Variants in MAPKAP1 observed in about 807,000 individuals in gnomAD.
MAPKAP1 encodes target of rapamycin complex 2 subunit MAPKAP1.
MAPKAP1 carries 20 observed loss-of-function variants against 65.7 expected under a neutral mutation model. That is an observed-to-expected ratio of 0.30 (90% confidence interval 0.21 to 0.44). The LOEUF (loss-of-function observed/expected upper bound fraction) is 0.44. Ranked by LOEUF, MAPKAP1 falls within the 20% of genes least tolerant of loss-of-function variation. The pLI is 1.00. For missense variants in MAPKAP1, 423 were observed against 648.0 expected, an observed-to-expected ratio of 0.65 and a Z score of 3.77; for synonymous variants, 222 against 244.3, an observed-to-expected ratio of 0.91 and a Z score of 0.85.
intron 3 of MAPKAP1, among the ~76,000 whole-genome samples, chr9:125,663,174 A>G (rs769153883): frequency 6.6e-6 from 1 of 152,224 alleles, no homozygotes; most frequent in Non-Finnish European, 1.5e-5. Flanking sequence ...CAGACCCTCC[A>G]TAACTAGGAA....
At chr9:125,591,727 C>T (rs1451429425) in intron 4 of MAPKAP1, among the ~76,000 whole-genome samples, 1 of 152,010 alleles carries the variant, frequency 6.6e-6, no homozygotes, top group Admixed American at 6.6e-5. Flanking sequence ...TCCTAATAGT[C>T]CCTAAGTTGC....
intron 4 of MAPKAP1, among the ~76,000 whole-genome samples, chr9:125,589,466 A>G (rs1183587291): frequency 1.3e-5 from 2 of 151,764 alleles, no homozygotes; most frequent in East Asian, 3.9e-4. Flanking sequence ...TTTATGAATG[A>G]CTCCAGTGCC....
chr9:125,613,209 G>C (rs979946873), intron 4 of MAPKAP1, among the ~76,000 whole-genome samples: 2 of 152,174 alleles, frequency 1.3e-5, no homozygotes, highest in African/African-American at 2.4e-5. Flanking sequence ...AGACCTGAAG[G>C]TGTGCTCCCA....
intron 6 of MAPKAP1, among the ~76,000 whole-genome samples, chr9:125,557,400 T>C (rs1830767011): frequency 6.6e-6 from 1 of 152,216 alleles, no homozygotes; most frequent in African/African-American, 2.4e-5. Flanking sequence ...TGCCACTGTG[T>C]ATATCTTTTA....
At chr9:125,688,221 C>CT (rs1208223845) in intron 1 of MAPKAP1, among the ~76,000 whole-genome samples, 1 of 152,098 alleles carries the variant, frequency 6.6e-6, no homozygotes, top group African/African-American at 2.4e-5. Flanking sequence ...TCACTGCAAC[C>CT]TCCACCTCCC....
intron 1 of MAPKAP1, among the ~76,000 whole-genome samples, chr9:125,693,793 A>G (rs1305652456): frequency 6.6e-6 from 1 of 150,472 alleles, no homozygotes; most frequent in East Asian, 1.9e-4. Context: ...GTATATATAT[A>G]CACACATATA....
chr9:125,510,041 G>T (rs1392174573), intron 7 of MAPKAP1, among the ~76,000 whole-genome samples: 1 of 152,160 alleles, frequency 6.6e-6, no homozygotes, highest in East Asian at 1.9e-4. Flanking sequence ...TTTAATACAT[G>T]CTTATTATGT....
chr9:125,684,630 C>T (rs1054255546), intron 1 of MAPKAP1, among the ~76,000 whole-genome samples: 2 of 152,146 alleles, frequency 1.3e-5, no homozygotes, highest in South Asian at 2.1e-4. Flanking sequence ...CCCTAAGGAG[C>T]GCCAAAGCCC....
intron 7 of MAPKAP1, among the ~76,000 whole-genome samples, chr9:125,530,612 T>C (rs1007436515): frequency 1.3e-5 from 2 of 152,250 alleles, no homozygotes; most frequent in African/African-American, 4.8e-5. Flanking sequence ...CCTATAGATA[T>C]ATGGTATGGT....
chr9:125,563,184 A>T (rs1254710267), intron 5 of MAPKAP1, among the ~76,000 whole-genome samples: 1 of 152,186 alleles, frequency 6.6e-6, no homozygotes, highest in Non-Finnish European at 1.5e-5. Context: ...TTAAACAAAT[A>T]AAAAACTGGT....
intron 4 of MAPKAP1, among the ~76,000 whole-genome samples, chr9:125,652,450 T>TA (rs779188962): frequency 2.0e-5 from 3 of 152,170 alleles, no homozygotes; most frequent in Admixed American, 6.6e-5. Context: ...TATCAACACT[T>TA]ATGAAAATTA....
At chr9:125,536,085 G>A (rs1307890924) in intron 7 of MAPKAP1, among the ~76,000 whole-genome samples, 1 of 152,212 alleles carries the variant, frequency 6.6e-6, no homozygotes, top group Non-Finnish European at 1.5e-5. Flanking sequence ...GGTGGCAGTT[G>A]CGAGAGCTCA....
rs373131533 is a variant in MAPKAP1 at position 125,658,351 on chromosome 9, CATTT to C, written c.350-556_350-553del. Among the ~76,000 whole-genome samples the C allele has an allele frequency of 3.7e-4, 56 of 152,328 alleles. No individual in the cohort carries two copies. In the East Asian group the frequency reaches 0.01, roughly 28 times the overall value. ...GGATATTTATAATAACAGTAGCTAA[CATTT>C]ATTGCTGCTCGGCCTTTTGGCTAAG... On this transcript the variant is annotated intron_variant, in intron 3 of 11. Transcript: ENST00000265960.
At chr9:125,528,948 T>C (rs1829855345) in intron 7 of MAPKAP1, among the ~76,000 whole-genome samples, 1 of 149,374 alleles carries the variant, frequency 6.7e-6, no homozygotes, top group Admixed American at 6.6e-5. Flanking sequence ...GTGGATCACT[T>C]GTGGTCAGGA....
intron 4 of MAPKAP1, among the ~76,000 whole-genome samples, chr9:125,589,631 G>A (rs1831894798): frequency 6.6e-6 from 1 of 152,122 alleles, no homozygotes; most frequent in Admixed American, 6.5e-5. Context: ...TCATTCTGAG[G>A]TGAAAAAGGT....
At chr9:125,597,390 G>A (rs1832169147) in intron 4 of MAPKAP1, among the ~76,000 whole-genome samples, 1 of 150,642 alleles carries the variant, frequency 6.6e-6, no homozygotes, top group Non-Finnish European at 1.5e-5. Flanking sequence ...AGTGAGCTAT[G>A]ATTGAGCCCC....
chr9:125,558,778 G>A (rs1830810381), intron 6 of MAPKAP1, among the ~76,000 whole-genome samples: 1 of 152,156 alleles, frequency 6.6e-6, no homozygotes, highest in Non-Finnish European at 1.5e-5. Context: ...AAACTCAGGA[G>A]CTCATAAACT....
At chr9:125,542,974 C>T in intron 7 of MAPKAP1, 85 bp downstream of exon 7, 2 of 913,818 alleles carry the variant, frequency 2.2e-6, no homozygotes, top group Non-Finnish European at 3.7e-6. Context: ...AGAATCTAGC[C>T]AGCCATCACA....
At chr9:125,548,226 C>A (rs1175608387) in intron 6 of MAPKAP1, among the ~76,000 whole-genome samples, 1 of 152,108 alleles carries the variant, frequency 6.6e-6, no homozygotes, top group Non-Finnish European at 1.5e-5. Flanking sequence ...GGTCCCTAAC[C>A]CAAGCTGCAC....
Sources: allele counts gnomAD v4.1 joint callset (sites outside exome capture counted in the v4.1 genomes callset), GRCh38; gene constraint gnomAD v4.1.1; transcripts MANE v1.5; gene names NCBI Gene and HGNC (gene_info 2026-07-23, HGNC 2026-07-21).